SND1: variants seen among roughly 807,000 people sequenced by gnomAD.
SND1 encodes the protein staphylococcal nuclease domain-containing protein 1.
In SND1, 38 loss-of-function variants were observed where a neutral mutation model predicts 121.7. The ratio of observed to expected loss-of-function variants is 0.31; its 90% CI spans 0.24 to 0.41. The LOEUF (loss-of-function observed/expected upper bound fraction) is 0.41, where lower values mean the gene tolerates loss of function less well. Ranked by LOEUF, SND1 falls within the 10% of genes least tolerant of loss-of-function variation. The pLI, the probability that SND1 is intolerant of heterozygous loss-of-function variation, is 1.00. For missense variants in SND1, 868 were observed against 1,184.6 expected (o/e 0.73, Z 3.92); for synonymous variants, 401 against 447.4 (o/e 0.90, Z 1.31).
chr7:128,030,058 G>A (rs375153181), intron 16 of SND1: 68 of 1,613,228 alleles, frequency 4.2e-5, no homozygotes, highest in Non-Finnish European at 5.8e-5. Flanking sequence ...AGGTTGAACA[G>A]CCCCTCAAAA....
Position 128,084,674 on chromosome 7 carries a change from C to T in SND1, c.2111-50C>T, listed in dbSNP as rs1793659049. 5.2e-6 allele frequency: 8 copies of T among 1,544,078 alleles called. No homozygotes were observed. The South Asian group carries it at 6.0e-5, about 12-fold the overall frequency. On this transcript the variant is annotated intron_variant, in intron 18 of 23. Coordinates refer to ENST00000354725, the MANE Select transcript of SND1 (RefSeq NM_014390.4). Reference sequence around the variant, plus strand: ...CACTCCCAGAAAAACCCTGCTGAGCCGTCGAGGAACCCAGCACCCAGGTCT... The same window carrying T: ...CACTCCCAGAAAAACCCTGCTGAGCTGTCGAGGAACCCAGCACCCAGGTCT...
chr7:127,845,448 A>G (rs1294590635), intron 12 of SND1, among the ~76,000 whole-genome samples: 1 of 152,258 alleles, frequency 6.6e-6, no homozygotes, highest in Non-Finnish European at 1.5e-5. Flanking sequence ...TTTGATGTTT[A>G]CCTTCACGCC....
intron 14 of SND1, among the ~76,000 whole-genome samples, chr7:127,928,724 G>T (rs1314871541): frequency 3.3e-5 from 5 of 152,034 alleles, no homozygotes; most frequent in East Asian, 1.9e-4. Context: ...AAGTAGCTGG[G>T]ATTACAGGCA....
At chr7:127,825,607 A>G (rs142939522) in intron 11 of SND1, among the ~76,000 whole-genome samples, 1,983 of 150,106 alleles carry the variant, frequency 0.013, 27 homozygotes, top group South Asian at 0.048. Flanking sequence ...GGATTTCGCC[A>G]TGTTGGCCAG....
At chr7:127,859,581 G>T (rs1475126945) in intron 12 of SND1, among the ~76,000 whole-genome samples, 1 of 152,136 alleles carries the variant, frequency 6.6e-6, no homozygotes, top group Non-Finnish European at 1.5e-5. Flanking sequence ...ATCATTCTTG[G>T]CCCTTGATTT....
At chr7:128,086,005 C>T (rs1028776869) in intron 20 of SND1, among the ~76,000 whole-genome samples, 17 of 152,202 alleles carry the variant, frequency 1.1e-4, no homozygotes, top group Non-Finnish European at 1.8e-4. Flanking sequence ...CCAGACCCCA[C>T]GGATGAGTGT....
rs545949382 is a variant in SND1, at chr7:127,816,485, A to G, written c.1242+8912A>G. On this transcript the variant is annotated intron_variant, in intron 11 of 23. Coordinates refer to ENST00000354725, the MANE Select transcript of SND1 (RefSeq NM_014390.4). The stretch of plus-strand genomic sequence containing the variant: ...TGCCTTCTCACCTCTTCTGGCTTCA[A>G]CAAGTGGGCTGGGCTGAAGAGCAAG... 1.1e-4 allele frequency among the ~76,000 whole-genome samples: 16 copies of G among 152,250 alleles called. No homozygotes were observed. In the South Asian group the frequency reaches 2.5e-3, roughly 24 times the overall value.
intron 16 of SND1, among the ~76,000 whole-genome samples, chr7:128,022,473 A>G (rs1803378870): frequency 6.6e-6 from 1 of 152,214 alleles, no homozygotes; most frequent in African/African-American, 2.4e-5. Flanking sequence ...GGCAAAGATC[A>G]TGCCATCGTC....
At chr7:127,873,492 G>A (rs1799634608) in intron 12 of SND1, among the ~76,000 whole-genome samples, 1 of 152,142 alleles carries the variant, frequency 6.6e-6, no homozygotes, top group Admixed American at 6.5e-5. Flanking sequence ...AAATCCTGTT[G>A]TATGTCCTTA....
intron 13 of SND1, 34 bp downstream of exon 13, chr7:127,888,046 C>A: frequency 6.8e-7 from 1 of 1,461,650 alleles, no homozygotes; most frequent in Non-Finnish European, 9.6e-7. Context: ...CATGGGGAAC[C>A]CACACCCTCA....
At chr7:127,655,016 A>G (rs1384431230) in intron 1 of SND1, among the ~76,000 whole-genome samples, 2 of 152,366 alleles carry the variant, frequency 1.3e-5, no homozygotes, top group Admixed American at 6.5e-5. Context: ...AAAGTGAGAA[A>G]GAAATAGTTT....
intron 12 of SND1, among the ~76,000 whole-genome samples, chr7:127,849,462 A>G (rs1318996174): frequency 6.6e-6 from 1 of 152,224 alleles, no homozygotes; most frequent in Non-Finnish European, 1.5e-5. Flanking sequence ...AGAAAGGGAC[A>G]TCTACAAAAT....
At chr7:127,870,810 A>G (rs1279187669) in intron 12 of SND1, among the ~76,000 whole-genome samples, 1 of 152,144 alleles carries the variant, frequency 6.6e-6, no homozygotes, top group Admixed American at 6.5e-5. Flanking sequence ...ATTGATTTCA[A>G]AAAGTTTTCA....
intron 11 of SND1, among the ~76,000 whole-genome samples, chr7:127,814,038 T>C (rs1317306702): frequency 6.6e-6 from 1 of 152,232 alleles, no homozygotes; most frequent in African/African-American, 2.4e-5. Context: ...ATCTCTGGGA[T>C]ATACTCTTAT....
chr7:128,043,663 A>G (rs543421840), intron 16 of SND1, among the ~76,000 whole-genome samples: 38 of 151,450 alleles, frequency 2.5e-4, no homozygotes, highest in Admixed American at 4.6e-4. Context: ...TCAGGCAGGA[A>G]CACCTCTTGG....
intron 11 of SND1, among the ~76,000 whole-genome samples, chr7:127,836,062 C>A (rs973428795): frequency 1.3e-5 from 2 of 152,096 alleles, no homozygotes; most frequent in African/African-American, 4.8e-5. Context: ...TATCAGGGAG[C>A]AGTGATGTCC....
chr7:127,994,030 G>A (rs972401813), intron 16 of SND1, among the ~76,000 whole-genome samples: 7 of 152,236 alleles, frequency 4.6e-5, no homozygotes, highest in Non-Finnish European at 1.0e-4. Context: ...ATGACACCAT[G>A]TTTGTAAGTG....
At chr7:127,681,017 G>A (rs555432637) in intron 1 of SND1, among the ~76,000 whole-genome samples, 11 of 152,144 alleles carry the variant, frequency 7.2e-5, no homozygotes, top group Admixed American at 1.3e-4. Flanking sequence ...CTGACTTCCC[G>A]CAACATATAC....
At chr7:128,064,427 AAG>A (rs1186433178) in intron 16 of SND1, among the ~76,000 whole-genome samples, 1 of 152,138 alleles carries the variant, frequency 6.6e-6, no homozygotes, top group Non-Finnish European at 1.5e-5. Flanking sequence ...AAGGATAAAA[AAG>A]AGGGGAAGAA....
Sources: allele counts gnomAD v4.1 joint callset (sites outside exome capture counted in the v4.1 genomes callset), GRCh38; gene constraint gnomAD v4.1.1; transcripts MANE v1.5; gene names NCBI Gene and HGNC (gene_info 2026-07-23, HGNC 2026-07-21).